Variants in PSMB7 observed in about 807,000 individuals in gnomAD.
The protein encoded by PSMB7 is proteasome 20S subunit beta 7, also known as proteasome subunit beta type-7.
In PSMB7, 5 loss-of-function variants were observed where a neutral mutation model predicts 28.1. The ratio of observed to expected loss-of-function variants is 0.18; its 90% CI spans 0.09 to 0.37. PSMB7 has a LOEUF of 0.37. Among genes scored for constraint, PSMB7 ranks in the 10% least tolerant of loss-of-function variants. The pLI is 1.00. For missense variants in PSMB7, 275 were observed against 346.2 expected (o/e 0.79, Z 1.63); for synonymous variants, 122 against 123.7 (o/e 0.99, Z 0.09).
intron 7 of PSMB7, among the ~76,000 whole-genome samples, chr9:124,355,689 G>C (rs1284198626): frequency 6.6e-6 from 1 of 152,202 alleles, no homozygotes; most frequent in African/African-American, 2.4e-5. Context: ...GGGCTCATTA[G>C]AGGTCATCTG....
At chr9:124,363,516 A>G (rs1413129204) in intron 6 of PSMB7, among the ~76,000 whole-genome samples, 4 of 152,194 alleles carry the variant, frequency 2.6e-5, no homozygotes, top group African/African-American at 4.8e-5. Context: ...CTGTGTGACA[A>G]GAGCAAAGGT....
intron 5 of PSMB7, among the ~76,000 whole-genome samples, chr9:124,394,501 G>A (rs1029557881): frequency 2.6e-5 from 4 of 152,182 alleles, no homozygotes; most frequent in Admixed American, 6.5e-5. Context: ...TCTGAAAAGT[G>A]CTCTGGCAAG....
At chr9:124,387,099 A>C (rs1321456247) in intron 5 of PSMB7, among the ~76,000 whole-genome samples, 1 of 152,142 alleles carries the variant, frequency 6.6e-6, no homozygotes, top group Non-Finnish European at 1.5e-5. Context: ...ACAAAACATT[A>C]GCCGAGCATG....
intron 5 of PSMB7, among the ~76,000 whole-genome samples, chr9:124,393,943 C>T (rs578056433): frequency 2.0e-5 from 3 of 152,330 alleles, no homozygotes; most frequent in Middle Eastern, 3.4e-3. Context: ...CCCTGCACCA[C>T]GAGGCCACAC....
At chr9:124,395,328 A>G (rs1344961273) in intron 5 of PSMB7, among the ~76,000 whole-genome samples, 1 of 151,924 alleles carries the variant, frequency 6.6e-6, no homozygotes, top group Admixed American at 6.6e-5. Flanking sequence ...CTACCAAAAA[A>G]AGAAAGAAAT....
intron 6 of PSMB7, among the ~76,000 whole-genome samples, chr9:124,358,198 G>A (rs961447911): frequency 2.6e-5 from 4 of 152,132 alleles, no homozygotes; most frequent in Non-Finnish European, 5.9e-5. Flanking sequence ...GGGCAGATCC[G>A]CTAACCTCAA....
At chr9:124,391,045 G>A (rs773982751) in intron 5 of PSMB7, among the ~76,000 whole-genome samples, 2 of 152,218 alleles carry the variant, frequency 1.3e-5, no homozygotes, top group Non-Finnish European at 2.9e-5. Flanking sequence ...TCCTCTGAGC[G>A]TTTCAGCATG....
At chr9:124,370,820 C>T (rs890716792) in intron 6 of PSMB7, among the ~76,000 whole-genome samples, 3 of 152,192 alleles carry the variant, frequency 2.0e-5, no homozygotes, top group Non-Finnish European at 4.4e-5. Context: ...GGTTAATTTA[C>T]ATATATCATG....
intron 5 of PSMB7, among the ~76,000 whole-genome samples, chr9:124,396,433 C>T (rs780672977): frequency 2.6e-5 from 4 of 152,218 alleles, no homozygotes; most frequent in Non-Finnish European, 5.9e-5. Context: ...CTTCTGCCCA[C>T]AAGGTGAGAC....
chr9:124,397,808 G>A (rs1443913490), intron 5 of PSMB7, among the ~76,000 whole-genome samples: 1 of 152,158 alleles, frequency 6.6e-6, no homozygotes. Context: ...CATTTAGGAG[G>A]ACCTTCTATT....
At chr9:124,378,941 G>A (rs1830638364) in intron 6 of PSMB7, among the ~76,000 whole-genome samples, 1 of 152,204 alleles carries the variant, frequency 6.6e-6, no homozygotes, top group African/African-American at 2.4e-5. Context: ...AAGCTAGCCT[G>A]TGGGTAAGAA....
Position 124,353,537 on chromosome 9 carries a change from C to A in PSMB7, c.*61G>T. 1 of 1,215,558 alleles carries A rather than the reference C, an allele frequency of 8.2e-7. No individual in the cohort carries two copies. The highest frequency in any genetic ancestry group is 1.2e-5 in the South Asian group (1 of 82,544). 75.3% of individuals were successfully genotyped at this position (1,215,558 alleles called of 1,614,324 possible). On this transcript the variant is annotated 3_prime_UTR_variant, in exon 8 of 8. Transcript: ENST00000259457. ...CGGCAAACACTAGCCACATGAGTGT[C>A]TTACTGGGCCTCAATGCTCACCACC...
At chr9:124,411,737 G>A (rs1215777619) in intron 4 of PSMB7, among the ~76,000 whole-genome samples, 1 of 152,214 alleles carries the variant, frequency 6.6e-6, no homozygotes, top group Non-Finnish European at 1.5e-5. Flanking sequence ...GGTCAGGTCA[G>A]GCAAGCTACT....
At chr9:124,398,708 T>TTAA (rs1365112753) in intron 5 of PSMB7, among the ~76,000 whole-genome samples, 10 of 152,310 alleles carry the variant, frequency 6.6e-5, no homozygotes, top group African/African-American at 2.4e-4. Context: ...GAAGCAAGGC[T>TTAA]TAATAGCTAA....
chr9:124,369,044 T>G (rs1830536069), intron 6 of PSMB7, among the ~76,000 whole-genome samples: 1 of 152,238 alleles, frequency 6.6e-6, no homozygotes, highest in Non-Finnish European at 1.5e-5. Context: ...TATGTCTTTT[T>G]AATATTCTGT....
intron 6 of PSMB7, among the ~76,000 whole-genome samples, chr9:124,359,257 G>C (rs1830445699): frequency 6.6e-6 from 1 of 152,022 alleles, no homozygotes; most frequent in Non-Finnish European, 1.5e-5. Context: ...AAAATCTCAA[G>C]TTTCTCACTT....
At chr9:124,382,949 G>A (rs73666879) in intron 6 of PSMB7, among the ~76,000 whole-genome samples, 2,361 of 152,240 alleles carry the variant, frequency 0.016, 70 homozygotes, top group African/African-American at 0.052. Flanking sequence ...GATAGACAAA[G>A]CTTTCAGGAA....
At chr9:124,399,009 CAAA>C (rs34386702) in intron 5 of PSMB7, among the ~76,000 whole-genome samples, 38 of 129,254 alleles carry the variant, frequency 2.9e-4, no homozygotes, top group Non-Finnish European at 2.8e-4. Flanking sequence ...AAGCTTTAAC[CAAA>C]AAAAAAAAAA....
At chr9:124,397,791 G>T (rs751418510) in intron 5 of PSMB7, among the ~76,000 whole-genome samples, 13 of 152,224 alleles carry the variant, frequency 8.5e-5, no homozygotes, top group Non-Finnish European at 1.0e-4. Context: ...GTTCCATGGA[G>T]GCATTTCATT....
Sources: gnomAD v4.1 joint callset for allele counts (sites outside exome capture counted in the v4.1 genomes callset) on GRCh38, gnomAD v4.1.1 for gene constraint, MANE v1.5 for transcripts, NCBI Gene and HGNC (gene_info 2026-07-23, HGNC 2026-07-21) for gene names.